OPA3: variants seen among roughly 807,000 people sequenced by gnomAD.
OPA3 encodes the protein optic atrophy 3 protein.
OPA3 carries 6 observed loss-of-function variants against 4.0 expected under a neutral mutation model. The observed-to-expected ratio is 1.51, with a 90% CI of 0.83 to 2.99. The LOEUF (loss-of-function observed/expected upper bound fraction) is 2.99, where lower values mean the gene tolerates loss of function less well. Among genes scored for constraint, OPA3 ranks in the 30% most tolerant of loss-of-function variants. OPA3 has a pLI of 0.00. For synonymous variants in OPA3, 105 were observed against 117.1 expected, an observed-to-expected ratio of 0.90 and a Z score of 0.67; for missense variants, 235 against 256.2, an observed-to-expected ratio of 0.92 and a Z score of 0.56.
At chr19:45,575,749 A>G (rs975445018) in intron 1 of OPA3, among the ~76,000 whole-genome samples, 1 of 152,096 alleles carries the variant, frequency 6.6e-6, no homozygotes, top group Non-Finnish European at 1.5e-5. Context: ...AACTATAGGC[A>G]TGCATCACCA....
chr19:45,581,969 T>C (rs1380777249), intron 1 of OPA3, among the ~76,000 whole-genome samples: 2 of 152,018 alleles, frequency 1.3e-5, no homozygotes, highest in African/African-American at 2.4e-5. Flanking sequence ...CAGCTAATTT[T>C]TGTATTTTCA....
chr19:45,562,247 T>C (rs1221239086), intron 1 of OPA3, among the ~76,000 whole-genome samples: 2 of 142,488 alleles, frequency 1.4e-5, no homozygotes, highest in African/African-American at 5.3e-5. Flanking sequence ...CTTGGGAGGC[T>C]GAGGCAGGAG....
chr19:45,550,286 G>C lies in OPA3; in HGVS notation c.*3228C>G. 1 of 985,520 alleles carries C rather than the reference G, an allele frequency of 1.0e-6. No individual in the cohort carries two copies. Among genetic ancestry groups the C allele is most frequent in the South Asian group, 4.7e-5 (1 of 21,288 alleles). 61.0% of individuals were successfully genotyped at this position (985,520 alleles called of 1,614,324 possible). ...TCTTTAGAGAAGGGAGGTGAGGATGGAAGTCGGGGAAAGCCCGGCCCTCCC... is the reference window on the plus strand; with the variant it reads ...TCTTTAGAGAAGGGAGGTGAGGATGCAAGTCGGGGAAAGCCCGGCCCTCCC... On this transcript the variant is annotated 3_prime_UTR_variant, in exon 2 of 2. Coordinates refer to ENST00000263275, the MANE Select transcript of OPA3 (RefSeq NM_025136.4).
At chr19:45,584,485 G>A (rs1969902486) in intron 1 of OPA3, 138 bp downstream of exon 1, 7 of 1,541,618 alleles carry the variant, frequency 4.5e-6, no homozygotes, top group South Asian at 1.2e-5. Flanking sequence ...CCCTCTATCA[G>A]AAACCCCCCA....
chr19:45,576,757 T>G (rs1969775167), intron 1 of OPA3, among the ~76,000 whole-genome samples: 1 of 152,116 alleles, frequency 6.6e-6, no homozygotes, highest in Non-Finnish European at 1.5e-5. Flanking sequence ...CTTGCCTCCC[T>G]CTTTCCCTTA....
intron 1 of OPA3, among the ~76,000 whole-genome samples, chr19:45,531,715 C>T (rs1199645355): frequency 6.6e-6 from 1 of 152,158 alleles, no homozygotes; most frequent in Admixed American, 6.5e-5. Flanking sequence ...ATGACTAGTT[C>T]GAAATCCTAT....
chr19:45,577,051 GCACCAA>G (rs1969779983), intron 1 of OPA3, among the ~76,000 whole-genome samples: 5 of 152,226 alleles, frequency 3.3e-5, no homozygotes, highest in African/African-American at 1.2e-4. Flanking sequence ...CTCCCTGGGA[GCACCAA>G]AAGTGCACTT....
intron 1 of OPA3, among the ~76,000 whole-genome samples, chr19:45,530,686 T>C (rs1261145094): frequency 6.6e-6 from 1 of 152,094 alleles, no homozygotes; most frequent in Non-Finnish European, 1.5e-5. Flanking sequence ...CTCAAACTCC[T>C]GACCTCAAGT....
chr19:45,556,532 T>A (rs1372386285), intron 1 of OPA3, among the ~76,000 whole-genome samples: 4 of 152,050 alleles, frequency 2.6e-5, no homozygotes, highest in Non-Finnish European at 5.9e-5. Context: ...TTTTAAATTG[T>A]TTTTTGGTAG....
intron 1 of OPA3, among the ~76,000 whole-genome samples, chr19:45,565,283 T>G (rs114732663): frequency 0.01 from 1,538 of 151,656 alleles, 25 homozygotes; most frequent in African/African-American, 0.035. Flanking sequence ...GATTGCATTA[T>G]CATGCAATTT....
chr19:45,561,348 G>C (rs1434136170), intron 1 of OPA3, among the ~76,000 whole-genome samples: 2 of 151,738 alleles, frequency 1.3e-5, no homozygotes. Flanking sequence ...AAGAAAGAAA[G>C]AAAAAAAGGA....
intron 1 of OPA3, among the ~76,000 whole-genome samples, chr19:45,582,511 T>C (rs1265990825): frequency 6.6e-6 from 1 of 152,102 alleles, no homozygotes; most frequent in Non-Finnish European, 1.5e-5. Context: ...AGTCTCGGTC[T>C]GTCGCCCAGG....
At chr19:45,543,006 A>T (rs1028521752), downstream of OPA3, among the ~76,000 whole-genome samples, 2 of 149,158 alleles carry the variant, frequency 1.3e-5, no homozygotes, top group African/African-American at 2.5e-5. Context: ...TTGTTTGTTT[A>T]TTTATTTATT....
intron 1 of OPA3, among the ~76,000 whole-genome samples, chr19:45,576,460 C>T (rs919651000): frequency 1.3e-5 from 2 of 151,918 alleles, no homozygotes; most frequent in South Asian, 2.1e-4. Flanking sequence ...ATCGCTTGAA[C>T]CCAGGAGGCA....
intron 1 of OPA3, among the ~76,000 whole-genome samples, chr19:45,573,772 A>G (rs1410055018): frequency 6.6e-6 from 1 of 152,248 alleles, no homozygotes; most frequent in Admixed American, 6.5e-5. Flanking sequence ...AGAGGGACTC[A>G]TGCAGGACAC....
intron 1 of OPA3, among the ~76,000 whole-genome samples, chr19:45,577,273 G>A (rs1011142646): frequency 3.9e-5 from 6 of 152,212 alleles, no homozygotes; most frequent in African/African-American, 1.2e-4. Context: ...ACAGCTGGGC[G>A]CAGCCTGCTG....
At position 45,548,609 on chromosome 19, in the gene OPA3, A is replaced by C. The variant is rs1969285257; in HGVS notation, c.*4905T>G. 1 of 984,290 alleles carries C rather than the reference A, an allele frequency of 1.0e-6. No homozygotes were observed. The highest frequency in any genetic ancestry group is 4.7e-5 in the South Asian group (1 of 21,268). 61.0% of individuals were successfully genotyped at this position (984,290 alleles called of 1,614,324 possible). A position where few individuals can be genotyped will look rare whatever the true frequency, so the allele number is the denominator to read the frequency against. ...TCTGTCACCACTGTGACCCCAGCAT[A>C]GGGTGGGGCAGAGAGTGGGTAACTC... On this transcript the variant is annotated 3_prime_UTR_variant, in exon 2 of 2. Coordinates refer to ENST00000263275, the MANE Select transcript of OPA3 (RefSeq NM_025136.4).
downstream of OPA3, among the ~76,000 whole-genome samples, chr19:45,541,960 G>A (rs1969190411): frequency 6.6e-6 from 1 of 152,164 alleles, no homozygotes; most frequent in Non-Finnish European, 1.5e-5. Context: ...GGTAGGGGGT[G>A]GTACCCATGG....
downstream of OPA3, among the ~76,000 whole-genome samples, chr19:45,544,795 AAAATAAATAAATAAAT>A (rs200192671): frequency 1.4e-5 from 2 of 140,652 alleles, no homozygotes; most frequent in South Asian, 2.3e-4. Flanking sequence ...ACTCCGTCTC[AAAATAAATAAATAAAT>A]AAATAAATAA....
Sources: allele counts gnomAD v4.1 joint callset (sites outside exome capture counted in the v4.1 genomes callset), GRCh38; gene constraint gnomAD v4.1.1; transcripts MANE v1.5; gene names NCBI Gene and HGNC (gene_info 2026-07-23, HGNC 2026-07-21).